MACROD1: variants seen among roughly 807,000 people sequenced by gnomAD.
MACROD1 encodes the protein mono-ADP ribosylhydrolase 1, also known as ADP-ribose glycohydrolase MACROD1.
Under a neutral mutation model 41.4 loss-of-function variants are expected in MACROD1, and 31 were observed. The observed-to-expected ratio is 0.75, with a 90% CI of 0.56 to 1.01. The LOEUF is 1.01. Ranked by LOEUF, MACROD1 falls within the 50% of genes least tolerant of loss-of-function variation. MACROD1 has a pLI of 0.00. For missense variants in MACROD1, 473 were observed against 460.0 expected, an observed-to-expected ratio of 1.03 and a Z score of -0.26; for synonymous variants, 252 against 203.4, an observed-to-expected ratio of 1.24 and a Z score of -2.03.
chr11:64,071,541 C>A (rs913276762), intron 3 of MACROD1, among the ~76,000 whole-genome samples: 3 of 152,160 alleles, frequency 2.0e-5, no homozygotes, highest in African/African-American at 7.2e-5. Context: ...AGACCAGGGG[C>A]CCACTCTGGG....
intron 3 of MACROD1, among the ~76,000 whole-genome samples, chr11:64,074,747 G>C (rs1944171578): frequency 6.6e-6 from 1 of 152,208 alleles, no homozygotes; most frequent in African/African-American, 2.4e-5. Flanking sequence ...GCCCAGGGGT[G>C]ACCAGGCTCC....
At chr11:64,110,035 C>T (rs1944832533) in intron 3 of MACROD1, among the ~76,000 whole-genome samples, 1 of 152,120 alleles carries the variant, frequency 6.6e-6, no homozygotes, top group South Asian at 2.1e-4. Flanking sequence ...GGAGGGGGTA[C>T]TCTGCACATA....
In MACROD1 at chr11:64,067,785, C is replaced by A. The variant is rs1944032746; in HGVS notation, c.518-52504G>T. Among the ~76,000 whole-genome samples the A allele has an allele frequency of 6.6e-6, 1 of 152,128 alleles. No individual in the cohort carries two copies. The highest frequency in any genetic ancestry group is 1.5e-5 in the Non-Finnish European group (1 of 68,018). Reference sequence around the variant, plus strand: ...GGGTGGCCCCAGAGCTGTTTGTTTTCCCTGACTGAGGGGCGGCTGTGCCAC... The same window carrying A: ...GGGTGGCCCCAGAGCTGTTTGTTTTACCTGACTGAGGGGCGGCTGTGCCAC... On this transcript the variant is annotated intron_variant, in intron 3 of 10. Coordinates refer to ENST00000255681, the MANE Select transcript of MACROD1 (RefSeq NM_014067.4). This position sits in a 1 kb window ranked among gnomAD's most constrained non-coding sequence, Gnocchi z 4.6.
At chr11:64,130,220 C>A (rs998452789) in intron 3 of MACROD1, among the ~76,000 whole-genome samples, 1 of 152,218 alleles carries the variant, frequency 6.6e-6, no homozygotes, top group Non-Finnish European at 1.5e-5. Context: ...GTAAGACCCC[C>A]GAATGGCTGC....
intron 3 of MACROD1, among the ~76,000 whole-genome samples, chr11:64,029,662 C>G (rs545761164): frequency 1.3e-5 from 2 of 152,164 alleles, no homozygotes; most frequent in South Asian, 2.1e-4. Flanking sequence ...CCCCCACCCC[C>G]CTCTCGGACC....
intron 3 of MACROD1, among the ~76,000 whole-genome samples, chr11:64,084,706 C>T (rs1171526420): frequency 2.0e-5 from 3 of 152,178 alleles, no homozygotes; most frequent in South Asian, 2.1e-4. Context: ...GGGCTGTCCA[C>T]GTGCCCGTGC....
At chr11:64,134,690 C>A (rs1193641432) in intron 3 of MACROD1, among the ~76,000 whole-genome samples, 5 of 152,222 alleles carry the variant, frequency 3.3e-5, no homozygotes, top group Non-Finnish European at 7.3e-5. Context: ...CCAGCACCCG[C>A]CTCTCTAGTG....
Position 64,151,106 on chromosome 11 carries a change from C to A in MACROD1, c.517+133G>T. 7 of 713,210 alleles carry A rather than the reference C, an allele frequency of 9.8e-6. No homozygotes were observed. The South Asian group carries it at 1.0e-4, about 10-fold the overall frequency. 44.2% of individuals were successfully genotyped at this position (713,210 alleles called of 1,614,324 possible). A position where few individuals can be genotyped will look rare whatever the true frequency, so the allele number is the denominator to read the frequency against. On this transcript the variant is annotated intron_variant, in intron 3 of 10. Transcript: ENST00000255681. The stretch of plus-strand genomic sequence containing the variant: ...TGGCCGACACGTTGGGCTGCCATGG[C>A]GCCAGCAGGCTGTCCTTGCCAGCAA...
At chr11:64,028,724 A>G (rs913428403) in intron 3 of MACROD1, among the ~76,000 whole-genome samples, 26 of 145,880 alleles carry the variant, frequency 1.8e-4, no homozygotes, top group Admixed American at 1.7e-3. Flanking sequence ...CCCCAGCCTC[A>G]GCGGCGCTGG....
At chr11:64,159,311 T>C (rs1590981530) in intron 1 of MACROD1, among the ~76,000 whole-genome samples, 3 of 98,894 alleles carry the variant, frequency 3.0e-5, no homozygotes, top group Admixed American at 1.4e-4. Flanking sequence ...AGAGCGAGTC[T>C]CCGTCTCAGA....
intron 3 of MACROD1, among the ~76,000 whole-genome samples, chr11:64,059,945 G>A (rs1943865730): frequency 1.3e-5 from 2 of 152,212 alleles, no homozygotes; most frequent in Non-Finnish European, 2.9e-5. Flanking sequence ...GGGCGCTTGG[G>A]GGATGTTGGG....
intron 3 of MACROD1, among the ~76,000 whole-genome samples, chr11:64,072,249 C>A (rs1944122914): frequency 6.6e-6 from 1 of 152,050 alleles, no homozygotes; most frequent in South Asian, 2.1e-4. Context: ...TGCACCCAAC[C>A]CACAGATGGG....
intron 3 of MACROD1, among the ~76,000 whole-genome samples, chr11:64,018,814 T>C (rs1055198460): frequency 8.5e-5 from 13 of 152,216 alleles, no homozygotes; most frequent in South Asian, 2.1e-4. Context: ...CCAGGAGCAC[T>C]GGTTGTCACA....
intron 3 of MACROD1, among the ~76,000 whole-genome samples, chr11:64,116,051 G>A (rs540237762): frequency 1.1e-4 from 17 of 152,296 alleles, no homozygotes; most frequent in Middle Eastern, 3.4e-3. Flanking sequence ...AATCACCTGC[G>A]GCATAAACCT....
intron 4 of MACROD1, among the ~76,000 whole-genome samples, chr11:64,010,423 A>T (rs1359807109): frequency 1.2e-5 from 1 of 82,008 alleles, no homozygotes; most frequent in Non-Finnish European, 2.3e-5. Context: ...GTTGGTTGAG[A>T]TGTTGGCTGA....
At chr11:64,160,910 A>G (rs990554624) in intron 1 of MACROD1, among the ~76,000 whole-genome samples, 2 of 151,916 alleles carry the variant, frequency 1.3e-5, no homozygotes, top group Admixed American at 6.6e-5. Flanking sequence ...GGTGGCTCAC[A>G]CTTGTAATCC....
intron 3 of MACROD1, among the ~76,000 whole-genome samples, chr11:64,131,618 G>A (rs1427121296): frequency 3.3e-5 from 5 of 152,106 alleles, no homozygotes; most frequent in Admixed American, 6.5e-5. Context: ...GAGCCACCGC[G>A]CCCAGCCCCT....
At chr11:64,071,858 C>T (rs980346922) in intron 3 of MACROD1, among the ~76,000 whole-genome samples, 7 of 152,134 alleles carry the variant, frequency 4.6e-5, no homozygotes, top group East Asian at 1.9e-4. Context: ...GGCTGTGGGC[C>T]GTGGGCAGTA....
intron 4 of MACROD1, among the ~76,000 whole-genome samples, chr11:64,013,880 A>G (rs1943046915): frequency 6.6e-6 from 1 of 152,024 alleles, no homozygotes; most frequent in Non-Finnish European, 1.5e-5. Context: ...GCTCATGCCT[A>G]CGCATCCCTC....
Sources: allele counts gnomAD v4.1 joint callset (sites outside exome capture counted in the v4.1 genomes callset), GRCh38; gene constraint gnomAD v4.1.1; non-coding constraint Gnocchi (gnomAD v3.1); transcripts MANE v1.5; gene names NCBI Gene and HGNC (gene_info 2026-07-23, HGNC 2026-07-21).